The following SETBP1 variants were observed in gnomAD, a reference collection of about 807,000 sequenced individuals.
The protein encoded by SETBP1 is SET binding protein 1.
Under a neutral mutation model 101.0 loss-of-function variants are expected in SETBP1, and 9 were observed. The observed-to-expected ratio is 0.09, with a 90% CI of 0.05 to 0.16. The LOEUF (loss-of-function observed/expected upper bound fraction) is 0.16. Ranked by LOEUF, SETBP1 falls within the 10% of genes least tolerant of loss-of-function variation. The probability of loss-of-function intolerance (pLI) is 1.00; values close to 1 mark genes in which losing one functional copy is unlikely to be tolerated. For missense variants in SETBP1, 1,858 were observed against 2,033.8 expected (o/e 0.91, Z 1.66); for synonymous variants, 818 against 788.5 (o/e 1.04, Z -0.63).
chr18:45,043,348 TTCTCTCTC>T (rs1380324339), intron 5 of SETBP1, among the ~76,000 whole-genome samples: 2 of 92,552 alleles, frequency 2.2e-5, no homozygotes, highest in South Asian at 7.4e-4. Context: ...AGTATATCCT[TTCTCTCTC>T]TCTCTCTCTC....
At chr18:44,896,344 T>C (rs1411282850) in intron 3 of SETBP1, among the ~76,000 whole-genome samples, 2 of 152,186 alleles carry the variant, frequency 1.3e-5, no homozygotes, top group Non-Finnish European at 2.9e-5. Context: ...TCAGAAAACA[T>C]TTTATATTTT....
intron 2 of SETBP1, among the ~76,000 whole-genome samples, chr18:44,858,663 T>G (rs1481370010): frequency 6.6e-6 from 1 of 152,188 alleles, no homozygotes; most frequent in Non-Finnish European, 1.5e-5. Context: ...GATAGTTGTC[T>G]TCCTTGAAGG....
intron 4 of SETBP1, among the ~76,000 whole-genome samples, chr18:44,953,577 T>C (rs2071416716): frequency 6.6e-6 from 1 of 152,228 alleles, no homozygotes; most frequent in Admixed American, 6.5e-5. Context: ...GCCATAACCC[T>C]AATAGCTGCC....
In SETBP1 at chr18:44,952,408, C is replaced by A; in HGVS notation, c.3068C>A (p.Ala1023Glu). 6.2e-7 allele frequency: 1 copy of A among 1,614,134 alleles called. No individual in the cohort carries two copies. The highest frequency in any genetic ancestry group is 8.5e-7 in the Non-Finnish European group (1 of 1,180,022). The change falls in exon 4 of 6, where the codon GCA becomes GAA. Residue 1023 changes from alanine (A) to glutamate (E), a missense_variant. Ala to Glu is a moderately radical substitution (Grantham distance 107). Coordinates refer to ENST00000649279, the MANE Select transcript of SETBP1 (RefSeq NM_015559.3). Reference sequence around the variant, plus strand: ...TCAAAGAAGAAGCGTGGTAGGCCTGCAAAAACCAATGACACCATGACAAAG... The same window carrying A: ...TCAAAGAAGAAGCGTGGTAGGCCTGAAAAAACCAATGACACCATGACAAAG... ...LKSKKKRGRP[A>E]KTNDTMTKVP...
chr18:44,886,736 G>T (rs1234968061), intron 3 of SETBP1, among the ~76,000 whole-genome samples: 2 of 147,472 alleles, frequency 1.4e-5, no homozygotes, highest in South Asian at 2.2e-4. Context: ...CCTTTTGAAA[G>T]ATTGGTGGAC....
intron 3 of SETBP1, among the ~76,000 whole-genome samples, chr18:44,942,640 T>C (rs2071112084): frequency 6.6e-6 from 1 of 152,212 alleles, no homozygotes; most frequent in East Asian, 1.9e-4. Context: ...GCCTGTGTTG[T>C]CTATTGTCTA....
At chr18:44,728,969 T>TA (rs1409218931) in intron 2 of SETBP1, among the ~76,000 whole-genome samples, 1 of 152,230 alleles carries the variant, frequency 6.6e-6, no homozygotes, top group Non-Finnish European at 1.5e-5. Context: ...GTGTGCCAGA[T>TA]AGAGTTCTAA....
intron 3 of SETBP1, among the ~76,000 whole-genome samples, chr18:44,930,977 C>G (rs1264895266): frequency 6.6e-6 from 1 of 151,990 alleles, no homozygotes; most frequent in South Asian, 2.1e-4. Flanking sequence ...TTGCCTTCTG[C>G]TAGCTTTTGA....
chr18:44,922,411 G>A (rs2070603673), intron 3 of SETBP1, among the ~76,000 whole-genome samples: 1 of 152,188 alleles, frequency 6.6e-6, no homozygotes, highest in Non-Finnish European at 1.5e-5. Context: ...CTATATTCTG[G>A]TCATGTCCAT....
chr18:45,049,052 A>G (rs1243954471), intron 5 of SETBP1, among the ~76,000 whole-genome samples: 2 of 151,588 alleles, frequency 1.3e-5, no homozygotes, highest in African/African-American at 4.8e-5. Flanking sequence ...ACTACGTGGG[A>G]AGGCCTGCCT....
intron 2 of SETBP1, among the ~76,000 whole-genome samples, chr18:44,850,429 G>A (rs2072827715): frequency 6.6e-6 from 1 of 151,844 alleles, no homozygotes; most frequent in Non-Finnish European, 1.5e-5. Flanking sequence ...GGAATGCAGT[G>A]GTGGGATCTC....
In SETBP1 at chr18:45,065,770, T is replaced by C. The variant is rs563584629; in HGVS notation, c.*2072T>C. On this transcript the variant is annotated 3_prime_UTR_variant, in exon 6 of 6. Transcript: ENST00000649279. ...TAAAGCTTATATCCTAGATACTCAGTTTGTGACCTTGGTTGACCTTTGGCA... is the reference window on the plus strand; with the variant it reads ...TAAAGCTTATATCCTAGATACTCAGCTTGTGACCTTGGTTGACCTTTGGCA... The C allele has an allele frequency of 2.6e-5, 4 of 152,316 alleles. No individual in the cohort carries two copies. The East Asian group carries it at 7.7e-4, about 29-fold the overall frequency. The allele number at this position is 152,316 out of a possible 1,614,324, so 9.4% of individuals were successfully genotyped here. A position where few individuals can be genotyped will look rare whatever the true frequency, so the allele number is the denominator to read the frequency against.
chr18:44,872,168 T>G (rs931537155), intron 3 of SETBP1: 4 of 152,234 alleles, frequency 2.6e-5, no homozygotes, highest in Non-Finnish European at 4.4e-5. Context: ...AGCTGACATC[T>G]AATTTTCTTT....
At chr18:45,010,638 C>A (rs1338703857) in intron 4 of SETBP1, among the ~76,000 whole-genome samples, 2 of 152,198 alleles carry the variant, frequency 1.3e-5, no homozygotes, top group African/African-American at 4.8e-5. Context: ...AAAATGATTT[C>A]TAGAATTTCT....
intron 3 of SETBP1, among the ~76,000 whole-genome samples, chr18:44,884,779 T>G (rs2069603443): frequency 1.3e-5 from 2 of 152,172 alleles, no homozygotes; most frequent in Non-Finnish European, 2.9e-5. Context: ...TCAAAGAGTT[T>G]TTTGTTTGTT....
intron 2 of SETBP1, among the ~76,000 whole-genome samples, chr18:44,814,153 G>A (rs530019225): frequency 8.5e-5 from 13 of 152,268 alleles, no homozygotes; most frequent in African/African-American, 3.1e-4. Context: ...TAGGGTGATG[G>A]GGGAAGGTTG....
intron 3 of SETBP1, among the ~76,000 whole-genome samples, chr18:44,935,471 T>G (rs1345195242): frequency 6.6e-6 from 1 of 152,170 alleles, no homozygotes; most frequent in Non-Finnish European, 1.5e-5. Flanking sequence ...TGGAACCCTC[T>G]CCTGCTTCTG....
intron 5 of SETBP1, among the ~76,000 whole-genome samples, chr18:45,049,005 A>AAAAAAAAAG (rs2073673493): frequency 6.7e-6 from 1 of 148,784 alleles, no homozygotes; most frequent in Non-Finnish European, 1.5e-5. Flanking sequence ...AAAAAAAAAA[A>AAAAAAAAAG]ATAGAAGATT....
chr18:44,940,105 C>G (rs968892973), intron 3 of SETBP1, among the ~76,000 whole-genome samples: 1 of 152,148 alleles, frequency 6.6e-6, no homozygotes, highest in Non-Finnish European at 1.5e-5. Context: ...TAAATTGACT[C>G]TATATCATTT....
Sources: allele counts gnomAD v4.1 joint callset (sites outside exome capture counted in the v4.1 genomes callset), GRCh38; gene constraint gnomAD v4.1.1; transcripts MANE v1.5; gene names NCBI Gene and HGNC (gene_info 2026-07-23, HGNC 2026-07-21).